The following ABCC5 variants were observed in gnomAD, a reference collection of about 807,000 sequenced individuals.
The protein encoded by ABCC5 is ATP-binding cassette sub-family C member 5.
ABCC5 carries 61 observed loss-of-function variants against 160.9 expected under a neutral mutation model. The ratio of observed to expected loss-of-function variants is 0.38; its 90% CI spans 0.31 to 0.47. The LOEUF is 0.47. Among genes scored for constraint, ABCC5 ranks in the 20% least tolerant of loss-of-function variants. The pLI is 0.99. For missense variants in ABCC5, 1,308 were observed against 1,813.3 expected, an observed-to-expected ratio of 0.72 and a Z score of 5.06; for synonymous variants, 666 against 700.6, an observed-to-expected ratio of 0.95 and a Z score of 0.78.
chr3:184,009,241 CA>C (rs1400409428), intron 2 of ABCC5, among the ~76,000 whole-genome samples: 1 of 152,138 alleles, frequency 6.6e-6, no homozygotes, highest in East Asian at 1.9e-4. Flanking sequence ...ACATAAGAGC[CA>C]TAGATGTATC....
chr3:183,946,671 C>T (rs575167173), intron 23 of ABCC5, among the ~76,000 whole-genome samples: 28 of 152,214 alleles, frequency 1.8e-4, no homozygotes, highest in African/African-American at 6.5e-4. Flanking sequence ...CCCCACCCCC[C>T]ATATTATTTG....
At chr3:183,961,767 T>G in intron 15 of ABCC5, 113 bp from the exon 16 acceptor site, 1 of 1,330,458 alleles carries the variant, frequency 7.5e-7, no homozygotes, top group Non-Finnish European at 1.0e-6. Flanking sequence ...CCAGAAGACA[T>G]TTGGCAGCAT....
At chr3:183,984,831 TGGC>T in intron 5 of ABCC5, 1 of 1,586,316 alleles carries the variant, frequency 6.3e-7, no homozygotes. Flanking sequence ...CTCAGTAAGA[TGGC>T]GGTGCAGTGA....
intron 2 of ABCC5, among the ~76,000 whole-genome samples, chr3:184,001,687 C>G (rs1420801324): frequency 1.3e-5 from 2 of 152,144 alleles, no homozygotes; most frequent in African/African-American, 4.8e-5. Flanking sequence ...TAAGGTAACC[C>G]TAGATAGCTG....
intron 26 of ABCC5, among the ~76,000 whole-genome samples, chr3:183,935,371 G>A (rs143126421): frequency 0.09 from 13,534 of 150,850 alleles, 793 homozygotes; most frequent in Non-Finnish European, 0.14. Flanking sequence ...TAGTAGAGAC[G>A]GGGTTTCAGC....
intron 27 of ABCC5, among the ~76,000 whole-genome samples, chr3:183,928,112 C>T (rs1712777479): frequency 1.4e-5 from 2 of 138,500 alleles, no homozygotes; most frequent in African/African-American, 2.7e-5. Flanking sequence ...TGTTATGTAT[C>T]TTTTTTTTTT....
chr3:183,928,429 C>T (rs1044232602), intron 27 of ABCC5, among the ~76,000 whole-genome samples: 1 of 152,056 alleles, frequency 6.6e-6, no homozygotes, highest in Non-Finnish European at 1.5e-5. Flanking sequence ...ATATCTTTTG[C>T]GTATATGTGG....
At chr3:183,966,692 T>C (rs1025810508) in intron 12 of ABCC5, among the ~76,000 whole-genome samples, 1 of 152,024 alleles carries the variant, frequency 6.6e-6, no homozygotes, top group Non-Finnish European at 1.5e-5. Context: ...ACAAGACCAA[T>C]GGCTGGGCCC....
At position 183,988,528 on chromosome 3, in the gene ABCC5, C is replaced by A. The variant is rs1483087200; in HGVS notation, c.443+44G>T. The A allele has an allele frequency of 1.3e-6, 2 of 1,577,568 alleles. No individual in the cohort carries two copies. The highest frequency in any genetic ancestry group is 2.2e-5 in the East Asian group (1 of 44,750). ...CTTCACACTCCTAGCTCAGGCCCTG[C>A]CCACCCGGCATGGGGGAGATGAGGG... is the stretch of plus-strand genomic sequence containing the variant. On this transcript the variant is annotated intron_variant, in intron 4 of 29. Coordinates refer to ENST00000334444, the MANE Select transcript of ABCC5 (RefSeq NM_005688.4). This position sits in a 1 kb window ranked among gnomAD's most constrained non-coding sequence, Gnocchi z 4.4.
At chr3:184,010,599 C>A in intron 2 of ABCC5, 1 of 152,996 alleles carries the variant, frequency 6.5e-6, no homozygotes. Flanking sequence ...CACACACCAG[C>A]TCCACAGCCT....
In ABCC5 at chr3:183,937,941, T is replaced by A; in HGVS notation, c.3814A>T (p.Ile1272Phe). The A allele has an allele frequency of 6.2e-7, 1 of 1,614,192 alleles. No homozygotes were observed. Among genetic ancestry groups the A allele is most frequent in the Non-Finnish European group, 8.5e-7 (1 of 1,180,034 alleles). The change falls in exon 26 of 30, where the codon ATC (isoleucine) becomes TTC (phenylalanine). Residue 1272 changes from isoleucine to phenylalanine, a missense_variant. Physicochemically the swap from Ile to Phe is conservative, Grantham distance 21. Transcript: ENST00000334444. ...GLADLRSKLS[I>F]IPQEPVLFSG... ...AACAGCACCGGCTCTTGAGGAATGA[T>A]AGAGAGTTTGCTTCGGAGGTCGGCA...
At position 183,988,783 on chromosome 3, in the gene ABCC5, C is replaced by A; in HGVS notation, c.288-56G>T. ...ATCAACACGCACGGAGAGGGCAGCCCGTGTTTAATGGACACTGTTTAGTGA... is the reference window on the plus strand; with the variant it reads ...ATCAACACGCACGGAGAGGGCAGCCAGTGTTTAATGGACACTGTTTAGTGA... On this transcript the variant is annotated intron_variant, in intron 3 of 29. Transcript: ENST00000334444. This position sits in a 1 kb window ranked among gnomAD's most constrained non-coding sequence, Gnocchi z 4.4. The A allele has an allele frequency of 6.4e-7, 1 of 1,561,422 alleles. No homozygotes were observed. Among genetic ancestry groups the A allele is most frequent in the East Asian group, 2.2e-5 (1 of 44,472 alleles).
At chr3:183,994,371 T>C (rs940772810) in intron 2 of ABCC5, among the ~76,000 whole-genome samples, 4 of 103,358 alleles carry the variant, frequency 3.9e-5, no homozygotes, top group Non-Finnish European at 5.7e-5. Context: ...GTGCTTGGTA[T>C]TGGCATTTTT....
intron 29 of ABCC5, among the ~76,000 whole-genome samples, chr3:183,922,035 TAATAAATAAATAAATAAATA>T (rs146063907): frequency 0.4 from 58,333 of 145,972 alleles, 12,479 homozygotes; most frequent in East Asian, 0.51. Flanking sequence ...TGCCTCAAAA[TAATAAATAAATAAATAAATA>T]AATAAATAAA....
At position 183,971,865 on chromosome 3, in the gene ABCC5, G is replaced by A. The variant is rs778527397; in HGVS notation, c.1459C>T (p.His487Tyr). ...GCATTTTTCATCTCTATCTTGATGT[G>A]AGGACTGGCTGGTTTGTTCTTTATC... Reference protein sequence around the residue: ...HMIKNKPASPHIKIEMKNATL... With the variant: ...HMIKNKPASPYIKIEMKNATL... The change falls in exon 11 of 30, where the codon CAC (histidine) becomes TAC (tyrosine). Residue 487 changes from histidine (H) to tyrosine (Y), a missense_variant. His to Tyr is a moderately conservative substitution (Grantham distance 83). Coordinates refer to ENST00000334444, the MANE Select transcript of ABCC5 (RefSeq NM_005688.4). 6.2e-7 allele frequency: 1 copy of A among 1,614,178 alleles called. No individual in the cohort carries two copies. Among genetic ancestry groups the A allele is most frequent in the Non-Finnish European group, 8.5e-7 (1 of 1,180,036 alleles).
intron 2 of ABCC5, chr3:184,001,002 C>T (rs1024930679): frequency 1.5e-5 from 6 of 392,612 alleles, no homozygotes; most frequent in African/African-American, 1.2e-4. Context: ...CCTGTCATCA[C>T]AACACTTTGG....
At position 183,961,588 on chromosome 3, in the gene ABCC5, C is replaced by G. The variant is rs1207742356; in HGVS notation, c.2302G>C (p.Glu768Gln). ...TCACCATTTAAATTCATCAGTTCCTCATGGGTGCCTCTTTCCGTAATACAG... is the reference window on the plus strand; with the variant it reads ...TCACCATTTAAATTCATCAGTTCCTGATGGGTGCCTCTTTCCGTAATACAG... ...EGCITERGTHEELMNLNGDYA... is the reference protein window; with the variant it reads ...EGCITERGTHQELMNLNGDYA... The change falls in exon 16 of 30, where the codon GAG (glutamate) becomes CAG (glutamine). Residue 768 changes from glutamate (E) to glutamine (Q), a missense_variant. Coordinates refer to ENST00000334444, the MANE Select transcript of ABCC5 (RefSeq NM_005688.4). 1 of 1,614,114 alleles carries G rather than the reference C, an allele frequency of 6.2e-7. No individual in the cohort carries two copies. The highest frequency in any genetic ancestry group is 8.5e-7 in the Non-Finnish European group (1 of 1,180,050).
intron 16 of ABCC5, 101 bp downstream of exon 16, chr3:183,961,408 GAC>G (rs775275585): frequency 2.9e-5 from 42 of 1,424,478 alleles, no homozygotes; most frequent in Non-Finnish European, 3.9e-5. Context: ...CTGCCAATAA[GAC>G]ACAGACACTG....
chr3:183,952,980 T>A (rs1023205314), intron 18 of ABCC5, 106 bp downstream of exon 18: 1 of 1,280,650 alleles, frequency 7.8e-7, no homozygotes, highest in South Asian at 1.5e-5. Context: ...TCTTTACAGC[T>A]TCTTTTAAGT....
Sources: gnomAD v4.1 joint callset for allele counts (sites outside exome capture counted in the v4.1 genomes callset) on GRCh38, gnomAD v4.1.1 for gene constraint, Gnocchi (gnomAD v3.1) non-coding constraint, MANE v1.5 for transcripts, NCBI Gene and HGNC (gene_info 2026-07-23, HGNC 2026-07-21) for gene names.